MACROD2: variants seen among roughly 807,000 people sequenced by gnomAD.
The protein encoded by MACROD2 is mono-ADP ribosylhydrolase 2.
Under a neutral mutation model 70.4 loss-of-function variants are expected in MACROD2, and 36 were observed. The ratio of observed to expected loss-of-function variants is 0.51; its 90% confidence interval spans 0.39 to 0.68. The LOEUF (loss-of-function observed/expected upper bound fraction) is 0.68. Among genes scored for constraint, MACROD2 ranks in the 30% least tolerant of loss-of-function variants. The pLI is 0.00. For missense variants in MACROD2, 496 were observed against 538.4 expected, an observed-to-expected ratio of 0.92 and a Z score of 0.78; for synonymous variants, 172 against 178.8, an observed-to-expected ratio of 0.96 and a Z score of 0.30.
intron 7 of MACROD2, among the ~76,000 whole-genome samples, chr20:15,454,731 CT>C (rs1209503008): frequency 1.8e-4 from 11 of 59,666 alleles, no homozygotes; most frequent in African/African-American, 1.8e-4. Flanking sequence ...TTTTTATAAG[CT>C]TAATAGAGAC....
intron 4 of MACROD2, among the ~76,000 whole-genome samples, chr20:14,581,544 T>G (rs1234648585): frequency 6.6e-6 from 1 of 152,234 alleles, no homozygotes; most frequent in Non-Finnish European, 1.5e-5. Flanking sequence ...TTATTGGAAT[T>G]GGACTAAGGA....
chr20:15,820,501 A>G (rs1248055366), intron 8 of MACROD2, among the ~76,000 whole-genome samples: 1 of 152,146 alleles, frequency 6.6e-6, no homozygotes, highest in African/African-American at 2.4e-5. Flanking sequence ...CCCTTCTGCC[A>G]GTTTTTAGTA....
chr20:15,649,099 T>TCCCCTCCCCC (rs2049600610), intron 8 of MACROD2, among the ~76,000 whole-genome samples: 1 of 75,034 alleles, frequency 1.3e-5, no homozygotes, highest in Non-Finnish European at 2.5e-5. Context: ...TTCCCTCCCC[T>TCCCCTCCCCC]CCCCTCCCCT....
At chr20:15,325,930 C>T (rs1053965432) in intron 6 of MACROD2, among the ~76,000 whole-genome samples, 1 of 152,042 alleles carries the variant, frequency 6.6e-6, no homozygotes, top group African/African-American at 2.4e-5. Flanking sequence ...TTCTTGATGT[C>T]CCCTGTGACA....
At chr20:15,814,797 A>G (rs2063856221) in intron 8 of MACROD2, among the ~76,000 whole-genome samples, 1 of 152,204 alleles carries the variant, frequency 6.6e-6, no homozygotes, top group South Asian at 2.1e-4. Context: ...TGTTTCATAA[A>G]TATTTTCTGA....
intron 6 of MACROD2, among the ~76,000 whole-genome samples, chr20:15,236,092 T>G (rs1438078311): frequency 6.6e-6 from 1 of 152,250 alleles, no homozygotes; most frequent in African/African-American, 2.4e-5. Flanking sequence ...AGCAGTGTAT[T>G]CCTATACATC....
chr20:15,061,064 AG>A (rs1180401038), intron 5 of MACROD2, among the ~76,000 whole-genome samples: 1 of 152,160 alleles, frequency 6.6e-6, no homozygotes, highest in African/African-American at 2.4e-5. Context: ...ATTGCTGATG[AG>A]GGGGGACAGA....
intron 6 of MACROD2, among the ~76,000 whole-genome samples, chr20:15,337,969 C>G (rs772685209): frequency 6.6e-6 from 1 of 151,696 alleles, no homozygotes; most frequent in African/African-American, 2.4e-5. Context: ...TTCACGTTAG[C>G]CTTTCAGGGA....
intron 5 of MACROD2, among the ~76,000 whole-genome samples, chr20:15,150,492 A>T (rs1238618743): frequency 6.6e-6 from 1 of 152,006 alleles, no homozygotes; most frequent in Admixed American, 6.5e-5. Context: ...AGGAGAATTT[A>T]TAGGTTTTAG....
intron 8 of MACROD2, among the ~76,000 whole-genome samples, chr20:15,561,606 A>G (rs1020683774): frequency 6.6e-6 from 1 of 152,078 alleles, no homozygotes; most frequent in Admixed American, 6.6e-5. Flanking sequence ...CGTGAAAATC[A>G]ATTTTTTTTT....
chr20:14,697,961 T>G (rs373403276), intron 5 of MACROD2, among the ~76,000 whole-genome samples: 1 of 152,322 alleles, frequency 6.6e-6, no homozygotes. Flanking sequence ...TGCTACATAG[T>G]AAGCAAATGG....
chr20:14,175,143 G>A (rs969258918), intron 3 of MACROD2, among the ~76,000 whole-genome samples: 2 of 152,206 alleles, frequency 1.3e-5, no homozygotes, highest in African/African-American at 4.8e-5. Flanking sequence ...AGTTCATAAT[G>A]TGAATCTCCA....
chr20:15,046,726 G>C (rs1187079474), intron 5 of MACROD2, among the ~76,000 whole-genome samples: 1 of 152,072 alleles, frequency 6.6e-6, no homozygotes, highest in African/African-American at 2.4e-5. Context: ...CCAGGCTACA[G>C]TCCCCTCACT....
At chr20:14,295,784 G>T (rs2082422091) in intron 3 of MACROD2, among the ~76,000 whole-genome samples, 1 of 151,776 alleles carries the variant, frequency 6.6e-6, no homozygotes, top group African/African-American at 2.4e-5. Flanking sequence ...GACACTGTGC[G>T]ACTGAGTCTA....
intron 6 of MACROD2, among the ~76,000 whole-genome samples, chr20:15,249,325 A>C (rs1296863905): frequency 6.6e-6 from 1 of 152,210 alleles, no homozygotes; most frequent in African/African-American, 2.4e-5. Context: ...ACTCTCTCCC[A>C]GCCACCATTT....
At chr20:15,346,592 T>C (rs1367921242) in intron 6 of MACROD2, among the ~76,000 whole-genome samples, 2 of 152,094 alleles carry the variant, frequency 1.3e-5, no homozygotes, top group African/African-American at 2.4e-5. Flanking sequence ...AGGGAAGGAA[T>C]GTGTGTGCCG....
At chr20:14,932,559 GT>G (rs1205385526) in intron 5 of MACROD2, among the ~76,000 whole-genome samples, 1 of 151,878 alleles carries the variant, frequency 6.6e-6, no homozygotes, top group African/African-American at 2.4e-5. Flanking sequence ...TAAAGTTGAA[GT>G]TTTTTGTTTT....
chr20:14,970,078 C>G (rs532560032), intron 5 of MACROD2, among the ~76,000 whole-genome samples: 1 of 152,270 alleles, frequency 6.6e-6, no homozygotes, highest in African/African-American at 2.4e-5. Flanking sequence ...AATTAACTCA[C>G]AGTTCCACAT....
chr20:14,388,895 T>C (rs1167627092), intron 3 of MACROD2, among the ~76,000 whole-genome samples: 3 of 152,126 alleles, frequency 2.0e-5, no homozygotes, highest in Non-Finnish European at 4.4e-5. Flanking sequence ...TTTTCATTTT[T>C]GAGATAGAGT....
Sources: allele counts gnomAD v4.1 joint callset (sites outside exome capture counted in the v4.1 genomes callset), GRCh38; gene constraint gnomAD v4.1.1; transcripts MANE v1.5; gene names NCBI Gene and HGNC (gene_info 2026-07-23, HGNC 2026-07-21).